The following CELF4 variants were observed in gnomAD, a reference collection of about 807,000 sequenced individuals.
CELF4 encodes CUGBP Elav-like family member 4.
In CELF4, 18 loss-of-function variants were observed where a neutral mutation model predicts 59.9. The ratio of observed to expected loss-of-function variants is 0.30; its 90% CI spans 0.21 to 0.45. The LOEUF is 0.45. CELF4 is among the 20% of genes least tolerant of loss of function. The probability of loss-of-function intolerance (pLI) is 1.00; values close to 1 mark genes in which losing one functional copy is unlikely to be tolerated. For synonymous variants in CELF4, 261 were observed against 267.1 expected, an observed-to-expected ratio of 0.98 and a Z score of 0.22; for missense variants, 456 against 689.0, an observed-to-expected ratio of 0.66 and a Z score of 3.79.
intron 2 of CELF4, among the ~76,000 whole-genome samples, chr18:37,451,064 G>A (rs1260239360): frequency 1.3e-5 from 2 of 152,194 alleles, no homozygotes; most frequent in African/African-American, 2.4e-5. Context: ...GGAGATGGTG[G>A]TGGCCCTGGT....
intron 3 of CELF4, chr18:37,275,615 C>A: frequency 3.8e-6 from 1 of 260,884 alleles, no homozygotes; most frequent in Non-Finnish European, 7.5e-6. Flanking sequence ...CGTTCCCCTC[C>A]TCCTTCGTCT....
At chr18:37,362,299 A>C (rs2098716138) in intron 2 of CELF4, among the ~76,000 whole-genome samples, 1 of 151,946 alleles carries the variant, frequency 6.6e-6, no homozygotes, top group Non-Finnish European at 1.5e-5. Context: ...TCCTCCTCTT[A>C]CCAAATGGCA....
chr18:37,339,140 C>CCTAT (rs1319130980), intron 2 of CELF4, among the ~76,000 whole-genome samples: 6 of 152,230 alleles, frequency 3.9e-5, no homozygotes, highest in Admixed American at 6.5e-5. Context: ...AATCATATTT[C>CCTAT]CTATCTCCTG....
At chr18:37,503,869 C>G (rs183701348) in intron 1 of CELF4, among the ~76,000 whole-genome samples, 1 of 152,148 alleles carries the variant, frequency 6.6e-6, no homozygotes, top group Admixed American at 6.5e-5. Context: ...CATGCTCTCC[C>G]AAGACTCTCC....
chr18:37,565,222 G>A (rs1209985472), intron 1 of CELF4, 134 bp downstream of exon 1: 2 of 933,780 alleles, frequency 2.1e-6, no homozygotes, highest in Admixed American at 5.3e-5. Flanking sequence ...TCCGCTGCCC[G>A]AGCGCCTCCC....
rs145270799 is a variant in CELF4, at chr18:37,532,446, T to C, written c.286+32910A>G. Among the ~76,000 whole-genome samples the C allele has an allele frequency of 3.3e-3, 503 of 152,314 alleles. 1 individual carries two copies. Among genetic ancestry groups the C allele is most frequent in the African/African-American group, 0.011 (473 of 41,550 alleles). On this transcript the variant is annotated intron_variant, in intron 1 of 12. Transcript: ENST00000420428. ...CAGATGGAGGGATGGATGCTATCTT[T>C]TGGGGAGGCTGTACCCCATTAACAT...
chr18:37,332,670 G>A (rs1603542172), intron 2 of CELF4, among the ~76,000 whole-genome samples: 2 of 152,358 alleles, frequency 1.3e-5, no homozygotes. Flanking sequence ...TGGTTTCCCA[G>A]GGGGAAGGAG....
In CELF4 at chr18:37,292,070, C is replaced by T. The variant is rs145371800; in HGVS notation, c.449-16827G>A. Among the ~76,000 whole-genome samples, 8 of 152,220 alleles carry T rather than the reference C, an allele frequency of 5.3e-5. No individual in the cohort carries two copies. The East Asian group carries it at 1.5e-3, about 29-fold the overall frequency. On this transcript the variant is annotated intron_variant, in intron 3 of 12. Coordinates refer to ENST00000420428, the MANE Select transcript of CELF4 (RefSeq NM_020180.4). ...AAAGAGGCCTGAGGGAGTTTGTTCACCTCTTTTCCACCACGTGCAATTACA... is the reference window on the plus strand; with the variant it reads ...AAAGAGGCCTGAGGGAGTTTGTTCATCTCTTTTCCACCACGTGCAATTACA...
intron 1 of CELF4, among the ~76,000 whole-genome samples, chr18:37,501,905 T>G (rs948541): frequency 0.55 from 83,627 of 151,984 alleles, 25,463 homozygotes; most frequent in Middle Eastern, 0.7. Context: ...CTCTCCATTT[T>G]CCCCCTTCTC....
chr18:37,468,779 C>T (rs1316226148), intron 2 of CELF4, among the ~76,000 whole-genome samples: 1 of 151,956 alleles, frequency 6.6e-6, no homozygotes, highest in East Asian at 1.9e-4. Context: ...GGAGAGAGAG[C>T]GAATGAGCAA....
chr18:37,522,800 C>A (rs569484204), intron 1 of CELF4, among the ~76,000 whole-genome samples: 45 of 152,230 alleles, frequency 3.0e-4, no homozygotes, highest in Middle Eastern at 3.4e-3. Context: ...TGTGGGGCAG[C>A]ACCAAATCTC....
chr18:37,454,659 C>T (rs759211381), intron 2 of CELF4, among the ~76,000 whole-genome samples: 6 of 152,130 alleles, frequency 3.9e-5, no homozygotes, highest in African/African-American at 1.2e-4. Context: ...AATGTCCATC[C>T]GGCATCAGGA....
chr18:37,394,001 C>A (rs1348327778), intron 2 of CELF4, among the ~76,000 whole-genome samples: 1 of 151,844 alleles, frequency 6.6e-6, no homozygotes, highest in Non-Finnish European at 1.5e-5. Context: ...AAGCACTCTA[C>A]AAACAACAAC....
At chr18:37,412,407 G>A (rs2099473956) in intron 2 of CELF4, among the ~76,000 whole-genome samples, 1 of 152,160 alleles carries the variant, frequency 6.6e-6, no homozygotes, top group East Asian at 1.9e-4. Flanking sequence ...CTTAGTCCAG[G>A]CCTGAATTTT....
chr18:37,501,802 C>T (rs2099932166), intron 1 of CELF4, among the ~76,000 whole-genome samples: 1 of 151,210 alleles, frequency 6.6e-6, no homozygotes, highest in Non-Finnish European at 1.5e-5. Flanking sequence ...TGGGCATTTG[C>T]AGTCAGCCAG....
chr18:37,253,044 CA>C lies in CELF4; in HGVS notation c.*44+722del, dbSNP rs150645688. ...TTCTTTCTGCAGGAAGAACTTTGCT[CA>C]GGGGAACACGTGGGCTGGAAGAGGC... On this transcript the variant is annotated intron_variant, in intron 12 of 12. Transcript: ENST00000420428. The surrounding 1 kb of genome is among the most constrained non-coding windows in gnomAD (Gnocchi z 4.5). Among the ~76,000 whole-genome samples the C allele has an allele frequency of 0.031, 4,769 of 152,144 alleles. 260 individuals are homozygous for C. Among genetic ancestry groups the C allele is most frequent in the African/African-American group, 0.11 (4,557 of 41,484 alleles).
chr18:37,323,945 G>A (rs955738228), intron 2 of CELF4, among the ~76,000 whole-genome samples: 1 of 152,124 alleles, frequency 6.6e-6, no homozygotes, highest in East Asian at 1.9e-4. Flanking sequence ...CAGGAGGAGA[G>A]GACCAAGGAG....
intron 1 of CELF4, among the ~76,000 whole-genome samples, chr18:37,490,983 G>A (rs1055359847): frequency 4.6e-5 from 7 of 152,190 alleles, no homozygotes; most frequent in African/African-American, 1.4e-4. Context: ...TAGAAGCGCA[G>A]CCTGTTCTGG....
intron 10 of CELF4, among the ~76,000 whole-genome samples, chr18:37,262,866 G>A (rs1051701468): frequency 6.6e-6 from 1 of 152,166 alleles, no homozygotes; most frequent in African/African-American, 2.4e-5. Flanking sequence ...CTTCACCAGT[G>A]GTAGCCCAGT....
Sources: gnomAD v4.1 joint callset for allele counts (sites outside exome capture counted in the v4.1 genomes callset) on GRCh38, gnomAD v4.1.1 for gene constraint, Gnocchi (gnomAD v3.1) non-coding constraint, MANE v1.5 for transcripts, NCBI Gene and HGNC (gene_info 2026-07-23, HGNC 2026-07-21) for gene names.